The following FOXN3 variants were observed in gnomAD, a reference collection of about 807,000 sequenced individuals.
FOXN3 encodes forkhead box protein N3.
FOXN3 carries 7 observed loss-of-function variants against 38.4 expected under a neutral mutation model. The ratio of observed to expected loss-of-function variants is 0.18; its 90% CI spans 0.10 to 0.34. The LOEUF is 0.34. Ranked by LOEUF, FOXN3 falls within the 10% of genes least tolerant of loss-of-function variation. The pLI is 1.00. For missense variants in FOXN3, 456 were observed against 613.4 expected, an observed-to-expected ratio of 0.74 and a Z score of 2.71; for synonymous variants, 230 against 242.2, an observed-to-expected ratio of 0.95 and a Z score of 0.47.
chr14:89,501,978 C>A (rs890688573), intron 1 of FOXN3, among the ~76,000 whole-genome samples: 25 of 152,060 alleles, frequency 1.6e-4, no homozygotes, highest in African/African-American at 5.5e-4. Flanking sequence ...CCAGCCTGAC[C>A]AACATGGCGA....
intron 3 of FOXN3, among the ~76,000 whole-genome samples, chr14:89,305,073 CTAGAAAACT>C (rs1887332501): frequency 6.6e-6 from 1 of 151,892 alleles, no homozygotes; most frequent in South Asian, 2.1e-4. Flanking sequence ...CGAAGTTGTC[CTAGAAAACT>C]TACGCTGAGC....
chr14:89,607,538 G>A (rs531978620), intron 1 of FOXN3, among the ~76,000 whole-genome samples: 10 of 147,146 alleles, frequency 6.8e-5, no homozygotes, highest in East Asian at 2.0e-4. Flanking sequence ...CAGCCTAGAC[G>A]ACAGAGCAAG....
intron 4 of FOXN3, 87 bp from the exon 5 acceptor site, chr14:89,180,893 T>C (rs1211439843): frequency 4.9e-6 from 3 of 606,522 alleles, no homozygotes; most frequent in Admixed American, 4.4e-5. Context: ...GATAGACCAA[T>C]AAGAGAGAGA....
chr14:89,345,594 T>G (rs1888737613), intron 3 of FOXN3, among the ~76,000 whole-genome samples: 2 of 152,158 alleles, frequency 1.3e-5, no homozygotes, highest in African/African-American at 4.8e-5. Flanking sequence ...ACCCCATAGA[T>G]AGTCTTTTAT....
At chr14:89,210,681 G>T (rs1884063054) in intron 4 of FOXN3, among the ~76,000 whole-genome samples, 1 of 152,118 alleles carries the variant, frequency 6.6e-6, no homozygotes, top group East Asian at 1.9e-4. Context: ...TTACATTTTG[G>T]TTGTAGACTG....
intron 1 of FOXN3, among the ~76,000 whole-genome samples, chr14:89,442,145 C>T (rs1384097969): frequency 6.6e-6 from 1 of 152,024 alleles, no homozygotes; most frequent in Admixed American, 6.6e-5. Context: ...AGGCTGGTCT[C>T]GAACTCCTGA....
chr14:89,268,016 TACATACACAC>T (rs945563163), intron 4 of FOXN3, among the ~76,000 whole-genome samples: 1 of 152,114 alleles, frequency 6.6e-6, no homozygotes, highest in African/African-American at 2.4e-5. Context: ...TTCATAATAA[TACATACACAC>T]ACATACACAC....
At chr14:89,478,061 T>C (rs1262171868) in intron 1 of FOXN3, among the ~76,000 whole-genome samples, 1 of 152,166 alleles carries the variant, frequency 6.6e-6, no homozygotes, top group Non-Finnish European at 1.5e-5. Context: ...TGGAGGTGTC[T>C]GGGTCATGGG....
At chr14:89,447,814 C>CTTTTTTTTTTTT (rs3057950) in intron 1 of FOXN3, among the ~76,000 whole-genome samples, 10 of 92,796 alleles carry the variant, frequency 1.1e-4, no homozygotes, top group African/African-American at 2.5e-4. Flanking sequence ...GCCTTTCTTC[C>CTTTTTTTTTTTT]TTTTTTTTTT....
chr14:89,537,918 G>C (rs243218), intron 1 of FOXN3, among the ~76,000 whole-genome samples: 123,706 of 152,202 alleles, frequency 0.81, 50,536 homozygotes, highest in African/African-American at 0.85. Flanking sequence ...GTACCTCAAT[G>C]GAAAACTGTC....
At chr14:89,465,503 T>C (rs1226105921) in intron 1 of FOXN3, among the ~76,000 whole-genome samples, 1 of 152,238 alleles carries the variant, frequency 6.6e-6, no homozygotes, top group Non-Finnish European at 1.5e-5. Context: ...ATTACAGGCG[T>C]GAGCCACCGC....
chr14:89,300,104 A>C (rs1442828408), intron 3 of FOXN3, among the ~76,000 whole-genome samples: 1 of 152,128 alleles, frequency 6.6e-6, no homozygotes, highest in Non-Finnish European at 1.5e-5. Flanking sequence ...ATTCAGCAGA[A>C]GTACCTCAAT....
chr14:89,461,759 A>G (rs1892852319), intron 1 of FOXN3, among the ~76,000 whole-genome samples: 1 of 152,168 alleles, frequency 6.6e-6, no homozygotes, highest in African/African-American at 2.4e-5. Flanking sequence ...AGGGGCAACG[A>G]TCTGGACAGA....
chr14:89,526,299 T>A (rs1894431428), intron 1 of FOXN3, among the ~76,000 whole-genome samples: 1 of 152,024 alleles, frequency 6.6e-6, no homozygotes, highest in Non-Finnish European at 1.5e-5. Flanking sequence ...TAAAAGGTAA[T>A]CAGGTTGGAA....
In FOXN3 at chr14:89,468,903, T is replaced by G. The variant is rs548412767; in HGVS notation, c.-14-56413A>C. Among the ~76,000 whole-genome samples the G allele has an allele frequency of 1.5e-3, 235 of 152,306 alleles. 2 individuals carry two copies. Among genetic ancestry groups the G allele is most frequent in the African/African-American group, 5.1e-3 (214 of 41,554 alleles). ...GTGAACTTGCTGGGTCTGTGCATCA[T>G]ACATTTTGAGAGACGTCGCCAGATG... On this transcript the variant is annotated intron_variant, in intron 1 of 6. Transcript: ENST00000345097.
At chr14:89,376,735 C>G (rs989876156) in intron 2 of FOXN3, among the ~76,000 whole-genome samples, 1 of 151,984 alleles carries the variant, frequency 6.6e-6, no homozygotes, top group African/African-American at 2.4e-5. Flanking sequence ...CTTGAGCTGC[C>G]GGGTGCAGTG....
chr14:89,208,894 A>G (rs1402312246), intron 4 of FOXN3, among the ~76,000 whole-genome samples: 1 of 152,176 alleles, frequency 6.6e-6, no homozygotes, highest in Non-Finnish European at 1.5e-5. Context: ...TCTCTTAAAC[A>G]TCAAAGAAGC....
In FOXN3 at chr14:89,283,915, C is replaced by T. The variant is rs551908299; in HGVS notation, c.681-2901G>A. ...TCGCTCTGTAGCCCAGGCTGGAGTG[C>T]AGTGGTGCGATCTCAGCTCACTGCA... On this transcript the variant is annotated intron_variant, in intron 3 of 5. Transcript: ENST00000557258. 3.9e-4 allele frequency among the ~76,000 whole-genome samples: 59 copies of T among 152,252 alleles called. No individual in the cohort carries two copies. In the South Asian group the frequency reaches 0.011, roughly 28 times the overall value.
At chr14:89,567,524 A>T (rs373360) in intron 1 of FOXN3, among the ~76,000 whole-genome samples, 326 of 13,472 alleles carry the variant, frequency 0.024, 12 homozygotes, top group African/African-American at 0.04. Flanking sequence ...AAGACTGTAA[A>T]AGGTACAGAG....
Sources: allele counts gnomAD v4.1 joint callset (sites outside exome capture counted in the v4.1 genomes callset), GRCh38; gene constraint gnomAD v4.1.1; transcripts MANE v1.5; gene names NCBI Gene and HGNC (gene_info 2026-07-23, HGNC 2026-07-21).